The following PI4K2B variants were observed in gnomAD, a reference collection of about 807,000 sequenced individuals.
The protein encoded by PI4K2B is phosphatidylinositol 4-kinase type 2 beta.
In PI4K2B, 46 loss-of-function variants were observed where a neutral mutation model predicts 56.6. The ratio of observed to expected loss-of-function variants is 0.81; its 90% CI spans 0.64 to 1.04. The LOEUF is 1.04. Ranked by LOEUF, PI4K2B falls within the 50% of genes least tolerant of loss-of-function variation. The pLI is 0.00. For synonymous variants in PI4K2B, 211 were observed against 223.8 expected (o/e 0.94, Z 0.51); for missense variants, 556 against 607.7 (o/e 0.91, Z 0.89).
rs1716753684 is a variant in PI4K2B at position 25,268,596 on chromosome 4, G to T, written c.1212+20G>T. On this transcript the variant is annotated intron_variant, in intron 8 of 9. Transcript: ENST00000264864. ...TTTAAGGTAAGTTAATGCTTAGTTT[G>T]ATTATTGCAGAAAATGAAATCTTAA... 6.7e-7 allele frequency: 1 copy of T among 1,484,432 alleles called. No homozygotes were observed. Among genetic ancestry groups the T allele is most frequent in the South Asian group, 1.3e-5 (1 of 78,812 alleles). 92.0% of individuals were successfully genotyped at this position (1,484,432 alleles called of 1,614,324 possible). A position where few individuals can be genotyped will look rare whatever the true frequency, so the allele number is the denominator to read the frequency against.
chr4:25,249,850 T>C (rs997101081), intron 1 of PI4K2B, among the ~76,000 whole-genome samples: 7 of 152,042 alleles, frequency 4.6e-5, no homozygotes, highest in East Asian at 1.9e-4. Context: ...TCTCGGCACT[T>C]TGGGAGGCCA....
At position 25,255,062 on chromosome 4, in the gene PI4K2B, T is replaced by C. The variant is rs1285490524; in HGVS notation, c.424-3T>C. On this transcript the variant is annotated splice_region_variant and splice_polypyrimidine_tract_variant and intron_variant, in intron 2 of 9. Coordinates refer to ENST00000264864, the MANE Select transcript of PI4K2B (RefSeq NM_018323.4). ...TAATAAGATTTTTACTTTTTTGCTC[T>C]AGAAAATTATTGGTGTGTTTAAACC... is the stretch of plus-strand genomic sequence containing the variant. 1 of 1,605,540 alleles carries C rather than the reference T, an allele frequency of 6.2e-7. No individual in the cohort carries two copies. The highest frequency in any genetic ancestry group is 8.5e-7 in the Non-Finnish European group (1 of 1,172,596).
intron 9 of PI4K2B, among the ~76,000 whole-genome samples, chr4:25,269,679 T>TTCCC (rs1716802015): frequency 6.6e-6 from 1 of 151,938 alleles, no homozygotes; most frequent in South Asian, 2.1e-4. Context: ...AAATAGTTTC[T>TTCCC]TCCCTCTATT....
intron 9 of PI4K2B, chr4:25,276,584 G>A (rs111960961): frequency 2.3e-6 from 2 of 864,976 alleles, no homozygotes; most frequent in Non-Finnish European, 1.4e-6. Flanking sequence ...CTCGCACATA[G>A]TAGGCATACA....
chr4:25,255,653 G>A (rs1716236501), intron 3 of PI4K2B, among the ~76,000 whole-genome samples: 1 of 152,210 alleles, frequency 6.6e-6, no homozygotes, highest in Admixed American at 6.5e-5. Context: ...TTAAGAGACA[G>A]GGTGTTGCTG....
chr4:25,250,098 A>G (rs1436732211), intron 1 of PI4K2B, among the ~76,000 whole-genome samples: 1 of 152,166 alleles, frequency 6.6e-6, no homozygotes, highest in African/African-American at 2.4e-5. Context: ...GCGCGCCTGC[A>G]ATCCCAGGCA....
At chr4:25,241,115 C>T (rs546856331) in intron 1 of PI4K2B, among the ~76,000 whole-genome samples, 27 of 152,332 alleles carry the variant, frequency 1.8e-4, no homozygotes, top group East Asian at 1.9e-4. Flanking sequence ...GGGGTTCCCC[C>T]GGAGGTTAGG....
chr4:25,256,448 G>A, intron 3 of PI4K2B, 95 bp from the exon 4 acceptor site: 2 of 1,183,184 alleles, frequency 1.7e-6, no homozygotes, highest in Non-Finnish European at 1.2e-6. Context: ...ATTAAACTTT[G>A]CTAATTTTCA....
intron 2 of PI4K2B, among the ~76,000 whole-genome samples, chr4:25,252,924 C>G (rs1716120970): frequency 2.0e-5 from 3 of 152,180 alleles, no homozygotes; most frequent in Admixed American, 2.0e-4. Flanking sequence ...CAATGTTTTG[C>G]TTTTACTAAA....
At chr4:25,245,028 C>A (rs1241112549) in intron 1 of PI4K2B, among the ~76,000 whole-genome samples, 3 of 152,188 alleles carry the variant, frequency 2.0e-5, no homozygotes, top group African/African-American at 7.2e-5. Flanking sequence ...GGAAGAGTGA[C>A]ACCTTTTGTC....
chr4:25,264,162 C>T (rs544538221), intron 7 of PI4K2B, among the ~76,000 whole-genome samples: 3 of 152,238 alleles, frequency 2.0e-5, no homozygotes, highest in East Asian at 1.9e-4. Context: ...CTATATTTTA[C>T]GTTTTTCGTT....
chr4:25,278,037 C>T lies in PI4K2B; in HGVS notation c.*850C>T, dbSNP rs1233355165. On this transcript the variant is annotated 3_prime_UTR_variant, in exon 10 of 10. Coordinates refer to ENST00000264864, the MANE Select transcript of PI4K2B (RefSeq NM_018323.4). ...GTATTAAACTTCACTAAAAAGTAAA[C>T]CATACTCCAAATTGTATATTGGATT... 2 of 152,092 alleles carry T rather than the reference C, an allele frequency of 1.3e-5. No individual in the cohort carries two copies. Among genetic ancestry groups the T allele is most frequent in the Non-Finnish European group, 2.9e-5 (2 of 67,994 alleles). 9.4% of individuals were successfully genotyped at this position (152,092 alleles called of 1,614,324 possible). A position where few individuals can be genotyped will look rare whatever the true frequency, so the allele number is the denominator to read the frequency against.
chr4:25,248,839 C>G (rs1230871653), intron 1 of PI4K2B, among the ~76,000 whole-genome samples: 1 of 151,166 alleles, frequency 6.6e-6, no homozygotes, highest in African/African-American at 2.4e-5. Flanking sequence ...ATTTATTGAT[C>G]ATTCTTGGGT....
At chr4:25,258,747 T>A (rs1716349009) in intron 4 of PI4K2B, among the ~76,000 whole-genome samples, 2 of 152,200 alleles carry the variant, frequency 1.3e-5, no homozygotes. Context: ...TTTCAGAGTG[T>A]CACCTTGAAG....
chr4:25,246,093 G>T (rs1265318817), intron 1 of PI4K2B, among the ~76,000 whole-genome samples: 1 of 152,158 alleles, frequency 6.6e-6, no homozygotes, highest in Non-Finnish European at 1.5e-5. Context: ...CTTCAGGAGT[G>T]AAGCTGCAGA....
At chr4:25,251,441 T>C (rs1221188511) in intron 1 of PI4K2B, among the ~76,000 whole-genome samples, 1 of 151,906 alleles carries the variant, frequency 6.6e-6, no homozygotes, top group East Asian at 1.9e-4. Context: ...CAGGTGACCA[T>C]GATGAAGGGA....
intron 5 of PI4K2B, 78 bp from the exon 6 acceptor site, chr4:25,260,445 TC>T: frequency 1.8e-6 from 1 of 558,536 alleles, no homozygotes; most frequent in Non-Finnish European, 3.2e-6. Flanking sequence ...AATCAGGAGA[TC>T]ACTAGAGTTT....
At chr4:25,248,222 C>T (rs1379250357) in intron 1 of PI4K2B, among the ~76,000 whole-genome samples, 1 of 152,220 alleles carries the variant, frequency 6.6e-6, no homozygotes, top group Middle Eastern at 3.4e-3. Context: ...AATGAGTTCT[C>T]TTATTTTTAG....
intron 7 of PI4K2B, among the ~76,000 whole-genome samples, chr4:25,268,142 A>G (rs1470015979): frequency 6.6e-6 from 1 of 152,214 alleles, no homozygotes; most frequent in Admixed American, 6.5e-5. Context: ...ATAGGTATTC[A>G]TCAGTTTCTG....
Sources: gnomAD v4.1 joint callset for allele counts (sites outside exome capture counted in the v4.1 genomes callset) on GRCh38, gnomAD v4.1.1 for gene constraint, MANE v1.5 for transcripts, NCBI Gene and HGNC (gene_info 2026-07-23, HGNC 2026-07-21) for gene names.